UNC13C: variants seen among roughly 807,000 people sequenced by gnomAD.
UNC13C encodes protein unc-13 homolog C.
In UNC13C, 174 loss-of-function variants were observed where a neutral mutation model predicts 245.4. The ratio of observed to expected loss-of-function variants is 0.71; its 90% CI spans 0.63 to 0.80. UNC13C has a LOEUF of 0.80. UNC13C is among the 30% of genes least tolerant of loss of function. The pLI, the probability that UNC13C is intolerant of heterozygous loss-of-function variation, is 0.00. For synonymous variants in UNC13C, 992 were observed against 895.1 expected (o/e 1.11, Z -1.93); for missense variants, 2,829 against 2,602.9 (o/e 1.09, Z -1.89).
chr15:54,532,833 A>C (rs368801302), intron 25 of UNC13C, 84 bp from the exon 26 acceptor site: 39 of 933,054 alleles, frequency 4.2e-5, no homozygotes, highest in South Asian at 2.4e-4. Flanking sequence ...CAGTTGAAAC[A>C]GATCAAAATC....
In UNC13C at chr15:54,037,586, C is replaced by T. The variant is rs527929774; in HGVS notation, c.2983+21700C>T. Among the ~76,000 whole-genome samples, 18 of 152,108 alleles carry T rather than the reference C, an allele frequency of 1.2e-4. 1 individual carries two copies. The highest frequency in any genetic ancestry group is 7.2e-4 in the Admixed American group (11 of 15,266). On this transcript the variant is annotated intron_variant, in intron 2 of 32. Coordinates refer to ENST00000260323, the MANE Select transcript of UNC13C (RefSeq NM_001080534.3). ...AATTTATATATATTTTTTTAAATTA[C>T]GCTAGTATCTATATACATTTGACAT...
intron 19 of UNC13C, among the ~76,000 whole-genome samples, chr15:54,448,913 C>T (rs970212744): frequency 1.6e-4 from 24 of 152,088 alleles, no homozygotes; most frequent in Admixed American, 1.0e-3. Context: ...TGGCTGGTAC[C>T]GGTTGTTCCT....
intron 4 of UNC13C, among the ~76,000 whole-genome samples, chr15:54,197,274 C>T (rs1897079): frequency 0.15 from 22,933 of 151,900 alleles, 2,092 homozygotes; most frequent in Middle Eastern, 0.23. Context: ...GTCAGGAGAT[C>T]GAGACCAGCC....
At chr15:54,531,187 G>A (rs934016798) in intron 25 of UNC13C, among the ~76,000 whole-genome samples, 2 of 152,154 alleles carry the variant, frequency 1.3e-5, no homozygotes, top group African/African-American at 4.8e-5. Context: ...TGGAGTTTGG[G>A]TTAGAAGTCA....
chr15:54,390,010 T>A (rs28736595), intron 17 of UNC13C, among the ~76,000 whole-genome samples: 7 of 151,902 alleles, frequency 4.6e-5, no homozygotes, highest in African/African-American at 1.7e-4. Context: ...ATTACAGGCA[T>A]GAGCCACTGC....
chr15:54,075,312 C>T (rs1269744369), intron 2 of UNC13C, among the ~76,000 whole-genome samples: 2 of 151,848 alleles, frequency 1.3e-5, no homozygotes, highest in African/African-American at 2.4e-5. Context: ...GGCGAAACAC[C>T]GTCTCTACTA....
At chr15:54,201,266 A>G (rs2034512479) in intron 4 of UNC13C, among the ~76,000 whole-genome samples, 1 of 152,044 alleles carries the variant, frequency 6.6e-6, no homozygotes, top group Admixed American at 6.6e-5. Context: ...TCCTATTGAC[A>G]CTATTCCAAA....
chr15:54,045,375 AT>A (rs1313131695), intron 2 of UNC13C, among the ~76,000 whole-genome samples: 2 of 152,042 alleles, frequency 1.3e-5, no homozygotes, highest in Non-Finnish European at 2.9e-5. Flanking sequence ...TAACCTACAC[AT>A]TTTTCTTAAA....
At chr15:54,008,018 C>A (rs1257098914) in intron 1 of UNC13C, among the ~76,000 whole-genome samples, 1 of 152,182 alleles carries the variant, frequency 6.6e-6, no homozygotes, top group Non-Finnish European at 1.5e-5. Flanking sequence ...AAATACTTTA[C>A]TGCATTTAGT....
intron 2 of UNC13C, among the ~76,000 whole-genome samples, chr15:54,019,760 A>C (rs1895813786): frequency 6.6e-6 from 1 of 152,238 alleles, no homozygotes; most frequent in African/African-American, 2.4e-5. Flanking sequence ...TGAAGGTATT[A>C]AAATTTCCTA....
intron 1 of UNC13C, among the ~76,000 whole-genome samples, chr15:53,983,649 G>A (rs1201744677): frequency 6.6e-6 from 1 of 151,522 alleles, no homozygotes; most frequent in East Asian, 1.9e-4. Context: ...TAAAAAAATT[G>A]CCTACCGTAA....
chr15:54,054,814 T>C (rs1897435014), intron 2 of UNC13C, among the ~76,000 whole-genome samples: 2 of 152,108 alleles, frequency 1.3e-5, no homozygotes, highest in Admixed American at 1.3e-4. Flanking sequence ...GTTTTTATTT[T>C]TTTTTGTTTG....
chr15:54,586,635 T>A (rs1295034366), intron 30 of UNC13C, among the ~76,000 whole-genome samples: 1 of 152,222 alleles, frequency 6.6e-6, no homozygotes, highest in Non-Finnish European at 1.5e-5. Context: ...GAGACAAAAT[T>A]CAGTCCATAA....
intron 24 of UNC13C, among the ~76,000 whole-genome samples, chr15:54,514,696 CT>C (rs1332099800): frequency 6.9e-6 from 1 of 144,438 alleles, no homozygotes; most frequent in Non-Finnish European, 1.6e-5. Flanking sequence ...GTTGAGGCAG[CT>C]GTTTTTTCTT....
At chr15:54,140,815 T>C (rs2031983197) in intron 2 of UNC13C, among the ~76,000 whole-genome samples, 1 of 132,362 alleles carries the variant, frequency 7.6e-6, no homozygotes, top group Admixed American at 7.7e-5. Context: ...CTGTGTGTCA[T>C]TGGTGGGTTT....
At chr15:54,126,442 G>A (rs2031044680) in intron 2 of UNC13C, among the ~76,000 whole-genome samples, 1 of 152,044 alleles carries the variant, frequency 6.6e-6, no homozygotes, top group Non-Finnish European at 1.5e-5. Flanking sequence ...AAATGAATAT[G>A]CACCAAATAA....
At chr15:54,268,883 A>G (rs74013581) in intron 10 of UNC13C, among the ~76,000 whole-genome samples, 3,810 of 152,006 alleles carry the variant, frequency 0.025, 154 homozygotes, top group African/African-American at 0.087. Context: ...TCATTTCTCA[A>G]GGGGACCCCT....
the UNC13C span, among the ~76,000 whole-genome samples, chr15:53,939,048 T>C: frequency 6.6e-6 from 1 of 150,616 alleles, no homozygotes; most frequent in Non-Finnish European, 1.5e-5. Flanking sequence ...AAAAAATCAG[T>C]GAATCCAGGA....
intron 2 of UNC13C, among the ~76,000 whole-genome samples, chr15:54,038,654 A>AATTAAAC (rs1232416405): frequency 6.6e-6 from 1 of 152,182 alleles, no homozygotes; most frequent in Non-Finnish European, 1.5e-5. Flanking sequence ...CTTTAAAATA[A>AATTAAAC]ATTAAACTTA....
Sources: gnomAD v4.1 joint callset for allele counts (sites outside exome capture counted in the v4.1 genomes callset) on GRCh38, gnomAD v4.1.1 for gene constraint, MANE v1.5 for transcripts, NCBI Gene and HGNC (gene_info 2026-07-23, HGNC 2026-07-21) for gene names.